The following ENPEP variants were observed in gnomAD, a reference collection of about 807,000 sequenced individuals.
ENPEP encodes the protein AP-A.
In ENPEP, 103 loss-of-function variants were observed where a neutral mutation model predicts 114.5. That is an observed-to-expected ratio of 0.90 (90% confidence interval 0.77 to 1.06). ENPEP has a LOEUF of 1.06. Ranked by LOEUF, ENPEP falls within the 50% of genes least tolerant of loss-of-function variation. The pLI is 0.00. For synonymous variants in ENPEP, 420 were observed against 422.0 expected (o/e 1.00, Z 0.06); for missense variants, 1,196 against 1,161.3 (o/e 1.03, Z -0.43).
chr4:110,487,480 A>G (rs1278183210), intron 1 of ENPEP, among the ~76,000 whole-genome samples: 1 of 152,204 alleles, frequency 6.6e-6, no homozygotes, highest in Non-Finnish European at 1.5e-5. Flanking sequence ...TACAGCAGCT[A>G]GAAAAATGTC....
chr4:110,492,897 G>T (rs1168829600), intron 3 of ENPEP, among the ~76,000 whole-genome samples: 1 of 152,130 alleles, frequency 6.6e-6, no homozygotes, highest in Non-Finnish European at 1.5e-5. Flanking sequence ...TCATGTGCAG[G>T]TGTTTCCCAT....
At chr4:110,523,900 T>C (rs1302768107) in intron 10 of ENPEP, among the ~76,000 whole-genome samples, 1 of 152,100 alleles carries the variant, frequency 6.6e-6, no homozygotes, top group Admixed American at 6.5e-5. Flanking sequence ...AATGAGCAAA[T>C]ACTACGTTTT....
chr4:110,508,791 A>C lies in ENPEP; in HGVS notation c.1040-862A>C, dbSNP rs182049287. Among the ~76,000 whole-genome samples, 500 of 152,352 alleles carry C rather than the reference A, an allele frequency of 3.3e-3. 1 individual carries two copies. The highest frequency in any genetic ancestry group is 3.7e-3 in the Non-Finnish European group (255 of 68,036). On this transcript the variant is annotated intron_variant, in intron 4 of 19. Coordinates refer to ENST00000265162, the MANE Select transcript of ENPEP (RefSeq NM_001977.4). ...GCACCACTGCCCTCCAGTTTGGGCA[A>C]CAGAGCGAGACTCTGTCTCAAAAAA...
chr4:110,539,372 A>T (rs1296654754), intron 11 of ENPEP, among the ~76,000 whole-genome samples: 5 of 152,196 alleles, frequency 3.3e-5, no homozygotes, highest in African/African-American at 1.2e-4. Context: ...TGTTGAAAGC[A>T]TTACCATAAA....
chr4:110,549,862 T>C lies in ENPEP; in HGVS notation c.2477T>C (p.Val826Ala). ...KEKLLYGLAS[V>A]KNVTLLSRYL... ...AAACTGCTGTATGGATTAGCATCAG[T>C]GAAGAACGTTACTCTTTTGTCAAGG... Residue 826 changes from valine to alanine, a missense_variant, in exon 17 of 20, where the codon GTG becomes GCG. By Grantham distance (64) the Val-to-Ala change is moderately conservative. Transcript: ENST00000265162. 6.2e-7 allele frequency: 1 copy of C among 1,611,222 alleles called. No individual in the cohort carries two copies. The highest frequency in any genetic ancestry group is 8.5e-7 in the Non-Finnish European group (1 of 1,178,942).
At position 110,562,132 on chromosome 4, in the gene ENPEP, C is replaced by CTGTT. The variant is rs1420014730; in HGVS notation, c.*575_*578dup. ...ATGAATTAGCCAAAAGAATGGCTGA[C>CTGTT]TGTTGCCTTTGCTCTTATAAAATCA... On this transcript the variant is annotated 3_prime_UTR_variant, in exon 20 of 20. Coordinates refer to ENST00000265162, the MANE Select transcript of ENPEP (RefSeq NM_001977.4). 2.0e-5 allele frequency: 3 copies of CTGTT among 152,178 alleles called. No individual in the cohort carries two copies. The highest frequency in any genetic ancestry group is 7.2e-5 in the African/African-American group (3 of 41,448). The allele number at this position is 152,178 out of a possible 1,614,324, so 9.4% of individuals were successfully genotyped here.
intron 7 of ENPEP, among the ~76,000 whole-genome samples, chr4:110,514,776 A>G (rs892188604): frequency 1.3e-5 from 2 of 152,094 alleles, no homozygotes; most frequent in African/African-American, 4.8e-5. Context: ...TTCAGTACTA[A>G]CCTTATAACA....
chr4:110,555,472 CAT>C (rs1727436791), intron 18 of ENPEP, among the ~76,000 whole-genome samples: 1 of 152,004 alleles, frequency 6.6e-6, no homozygotes, highest in Admixed American at 6.6e-5. Flanking sequence ...AAGCTTTTGT[CAT>C]GTGATTTTTA....
chr4:110,538,212 C>T (rs1470999311), intron 11 of ENPEP, among the ~76,000 whole-genome samples: 1 of 151,930 alleles, frequency 6.6e-6, no homozygotes, highest in East Asian at 1.9e-4. Context: ...TTGATGGCAT[C>T]TTCTTCTAAT....
In ENPEP at chr4:110,549,421, T is replaced by C. The variant is rs1370343715; in HGVS notation, c.2225+2T>C. The stretch of plus-strand genomic sequence containing the variant: ...TGATGCTGGAGACCATGTCACAAAG[T>C]TATTCTCACTTTTTAACAACTAAAA... On this transcript the variant is annotated splice_donor_variant, in intron 15 of 19. Coordinates refer to ENST00000265162, the MANE Select transcript of ENPEP (RefSeq NM_001977.4). LOFTEE classifies it high-confidence loss of function. 6.2e-7 allele frequency: 1 copy of C among 1,613,096 alleles called. No individual in the cohort carries two copies. The highest frequency in any genetic ancestry group is 1.3e-5 in the African/African-American group (1 of 74,892).
rs1726395647 is a variant in ENPEP, at chr4:110,531,263, G to C, written c.1793G>C (p.Arg598Thr). ...ATAACAAGCAGTGTGTTATTTAATA[G>C]GTCAGAAAAAGAAGGTAAATATTAT... ...DNITSSVLFN[R>T]SEKEGITLNS... Residue 598 changes from arginine to threonine, a missense_variant, in exon 11 of 20, where the codon AGG becomes ACG. Coordinates refer to ENST00000265162, the MANE Select transcript of ENPEP (RefSeq NM_001977.4). 6.9e-7 allele frequency: 1 copy of C among 1,438,934 alleles called. No individual in the cohort carries two copies. The highest frequency in any genetic ancestry group is 2.2e-5 in the Admixed American group (1 of 46,098). 89.1% of individuals were successfully genotyped at this position (1,438,934 alleles called of 1,614,324 possible).
At chr4:110,477,731 C>T (rs528223709) in intron 1 of ENPEP, among the ~76,000 whole-genome samples, 1 of 152,206 alleles carries the variant, frequency 6.6e-6, no homozygotes, top group Non-Finnish European at 1.5e-5. Context: ...GCTTGTTGCT[C>T]ATGATACAAT....
chr4:110,541,550 G>A (rs1726846294), intron 11 of ENPEP, among the ~76,000 whole-genome samples: 3 of 152,048 alleles, frequency 2.0e-5, no homozygotes. Context: ...CTCTAAATTA[G>A]TCTTCTTGTC....
chr4:110,540,865 A>C (rs988741225), intron 11 of ENPEP, among the ~76,000 whole-genome samples: 1 of 152,152 alleles, frequency 6.6e-6, no homozygotes, highest in South Asian at 2.1e-4. Flanking sequence ...AATCTTCACA[A>C]CAGCCCTGTG....
intron 1 of ENPEP, among the ~76,000 whole-genome samples, chr4:110,478,224 T>C (rs1349800259): frequency 6.6e-6 from 1 of 152,214 alleles, no homozygotes; most frequent in Non-Finnish European, 1.5e-5. Context: ...AAACAAAACA[T>C]TTAAATATTC....
chr4:110,496,944 C>T (rs749205257), intron 3 of ENPEP, among the ~76,000 whole-genome samples: 1 of 152,186 alleles, frequency 6.6e-6, no homozygotes, highest in Non-Finnish European at 1.5e-5. Flanking sequence ...TAGAAGCAAT[C>T]GCTAAATGCA....
chr4:110,482,129 A>C (rs1479222129), intron 1 of ENPEP, among the ~76,000 whole-genome samples: 8 of 152,240 alleles, frequency 5.3e-5, no homozygotes, highest in Admixed American at 2.0e-4. Context: ...GGCAAAAGAA[A>C]GAGTTAACTC....
At chr4:110,508,486 T>C (rs1408687558) in intron 4 of ENPEP, among the ~76,000 whole-genome samples, 2 of 152,178 alleles carry the variant, frequency 1.3e-5, no homozygotes, top group Non-Finnish European at 2.9e-5. Context: ...TTAAGATACA[T>C]CCCTCTTCAT....
intron 10 of ENPEP, among the ~76,000 whole-genome samples, chr4:110,527,146 C>T (rs530635208): frequency 5.3e-5 from 8 of 152,150 alleles, no homozygotes; most frequent in East Asian, 1.9e-4. Context: ...TTAAAATTGC[C>T]GAAGCACTTG....
Sources: allele counts gnomAD v4.1 joint callset (sites outside exome capture counted in the v4.1 genomes callset), GRCh38; gene constraint gnomAD v4.1.1; transcripts MANE v1.5; gene names NCBI Gene and HGNC (gene_info 2026-07-23, HGNC 2026-07-21).